SMG9: variants seen among roughly 807,000 people sequenced by gnomAD.
SMG9 encodes SMG9 nonsense mediated mRNA decay factor.
SMG9 carries 55 observed loss-of-function variants against 64.0 expected under a neutral mutation model. The ratio of observed to expected loss-of-function variants is 0.86; its 90% CI spans 0.69 to 1.08. The LOEUF (loss-of-function observed/expected upper bound fraction) is 1.08, where lower values mean the gene tolerates loss of function less well. Among genes scored for constraint, SMG9 ranks in the 50% least tolerant of loss-of-function variants. The pLI is 0.00. For synonymous variants in SMG9, 244 were observed against 254.8 expected (o/e 0.96, Z 0.41); for missense variants, 554 against 681.3 (o/e 0.81, Z 2.08).
At chr19:43,732,583 C>A (rs989074432) in intron 13 of SMG9, 27 of 462,152 alleles carry the variant, frequency 5.8e-5, no homozygotes, top group African/African-American at 4.8e-4. Context: ...CTATGTAACA[C>A]TTTTCCCCGA....
chr19:43,754,943 C>G lies in SMG9; in HGVS notation c.-296G>C, dbSNP rs1434633754. ...ACTCGTCCTGCGCATGCGCTGAGGGCTGGAGCTCGAGAACTGAATGCGCTC... is the reference window on the plus strand; with the variant it reads ...ACTCGTCCTGCGCATGCGCTGAGGGGTGGAGCTCGAGAACTGAATGCGCTC... On this transcript the variant is annotated 5_prime_UTR_variant, in exon 1 of 14. Transcript: ENST00000270066. 1.3e-5 allele frequency: 2 copies of G among 152,268 alleles called. No individual in the cohort carries two copies. Among genetic ancestry groups the G allele is most frequent in the African/African-American group, 2.4e-5 (1 of 41,444 alleles). The allele number at this position is 152,268 out of a possible 1,614,324, so 9.4% of individuals were successfully genotyped here.
chr19:43,732,025 C>T (rs1968501333), intron 13 of SMG9, among the ~76,000 whole-genome samples: 1 of 152,228 alleles, frequency 6.6e-6, no homozygotes, highest in African/African-American at 2.4e-5. Flanking sequence ...AAACATCTAA[C>T]AGCAGCTGCA....
rs549889697 is a variant in SMG9 at position 43,743,238 on chromosome 19, T to C, written c.701+1534A>G. On this transcript the variant is annotated intron_variant, in intron 6 of 13. Transcript: ENST00000270066. ...CTGAACTGAGACCCATGGGGAAAAT[T>C]TGCTAGTTGGGGTGAAAAGCTGAAA... Among the ~76,000 whole-genome samples, 16 of 152,180 alleles carry C rather than the reference T, an allele frequency of 1.1e-4. No homozygotes were observed. The East Asian group carries it at 3.1e-3, about 29-fold the overall frequency.
intron 1 of SMG9, among the ~76,000 whole-genome samples, chr19:43,752,199 A>G (rs1258734185): frequency 2.6e-5 from 4 of 152,160 alleles, no homozygotes; most frequent in Admixed American, 6.5e-5. Context: ...CCTCACAGTG[A>G]ATTTCATTTC....
chr19:43,752,005 G>A (rs1344698656), intron 1 of SMG9, among the ~76,000 whole-genome samples: 1 of 152,136 alleles, frequency 6.6e-6, no homozygotes, highest in Non-Finnish European at 1.5e-5. Flanking sequence ...TTACAAACCA[G>A]CAATGTGATC....
chr19:43,746,180 T>C (rs187264957), intron 5 of SMG9, among the ~76,000 whole-genome samples: 2 of 152,212 alleles, frequency 1.3e-5, no homozygotes, highest in East Asian at 3.9e-4. Context: ...CCTAAATAAA[T>C]AAAGCAAATC....
intron 1 of SMG9, among the ~76,000 whole-genome samples, chr19:43,753,919 GA>G (rs775764832): frequency 0.022 from 2,401 of 111,370 alleles, 71 homozygotes; most frequent in Admixed American, 0.096. Flanking sequence ...TTGTCTCAAA[GA>G]AAAAAAAAAA....
chr19:43,744,199 A>C (rs1331817126), intron 6 of SMG9, among the ~76,000 whole-genome samples: 1 of 152,164 alleles, frequency 6.6e-6, no homozygotes, highest in Non-Finnish European at 1.5e-5. Flanking sequence ...GATCCTCCCC[A>C]GCCTGGAGAA....
chr19:43,733,827 G>T, intron 10 of SMG9, 94 bp from the exon 11 acceptor site: 1 of 828,210 alleles, frequency 1.2e-6, no homozygotes, highest in Non-Finnish European at 2.0e-6. Context: ...TTACCCCTGA[G>T]TTCAGATCAC....
intron 5 of SMG9, 109 bp downstream of exon 5, chr19:43,747,333 T>G (rs1266580596): frequency 1.0e-6 from 1 of 996,298 alleles, no homozygotes; most frequent in Non-Finnish European, 1.5e-6. Context: ...CCCCTCTCAC[T>G]GCTGTAAGTT....
At chr19:43,738,392 G>C (rs1017858880) in intron 7 of SMG9, among the ~76,000 whole-genome samples, 175 bp from the exon 8 acceptor site, 2 of 152,182 alleles carry the variant, frequency 1.3e-5, no homozygotes, top group Non-Finnish European at 2.9e-5. Context: ...CACTTTTCCA[G>C]CTCCTTTACA....
Position 43,731,699 on chromosome 19 carries a change from C to G in SMG9, c.1485-25G>C, listed in dbSNP as rs1600187663. On this transcript the variant is annotated intron_variant, in intron 13 of 13. Transcript: ENST00000270066. ...CCTGTGAGGAGGCCAACAGTCAGGG[C>G]TGCCTGGCCGGGGCTCCCCCCAGCC... 18 of 1,613,990 alleles carry G rather than the reference C, an allele frequency of 1.1e-5. No individual in the cohort carries two copies. In the East Asian group the frequency reaches 3.3e-4, roughly 30 times the overall value.
At chr19:43,735,112 T>C (rs1968614161) in intron 9 of SMG9, among the ~76,000 whole-genome samples, 1 of 152,230 alleles carries the variant, frequency 6.6e-6, no homozygotes, top group Non-Finnish European at 1.5e-5. Flanking sequence ...TCTGTATAGT[T>C]GGAATTACAA....
At chr19:43,752,479 G>A (rs946741636) in intron 1 of SMG9, among the ~76,000 whole-genome samples, 2 of 152,216 alleles carry the variant, frequency 1.3e-5, no homozygotes, top group Non-Finnish European at 2.9e-5. Context: ...AAGTTTTATC[G>A]GAACATGGCC....
In SMG9 at chr19:43,750,688, TCGCCGC is replaced by T; in HGVS notation, c.48_53del (p.Arg18_Arg19del). The T allele has an allele frequency of 6.2e-7, 1 of 1,613,926 alleles. No homozygotes were observed. The highest frequency in any genetic ancestry group is 8.5e-7 in the Non-Finnish European group (1 of 1,179,934). ...CACCAGAGCCAGGCTCCTTCCACCG[TCGCCGC>T]CGCTCTATCCCATAGAGTCCAGGCT... On this transcript the variant is annotated inframe_deletion, in exon 2 of 14. Coordinates refer to ENST00000270066, the MANE Select transcript of SMG9 (RefSeq NM_019108.4).
rs765150126 is a variant in SMG9 at position 43,750,777 on chromosome 19, GAC to G, written c.-6-32_-6-31del. On this transcript the variant is annotated intron_variant, in intron 1 of 13. Transcript: ENST00000270066. ...GGAGGGAATGAGGGGATTTCAGGATGACAGAGTCTCTTCCTACTCTACTTGGC... is the reference window on the plus strand; with the variant it reads ...GGAGGGAATGAGGGGATTTCAGGATGAGAGTCTCTTCCTACTCTACTTGGC... The G allele has an allele frequency of 4.0e-5, 64 of 1,582,506 alleles. 2 individuals carry two copies. The Middle Eastern group carries it at 2.2e-3, about 54-fold the overall frequency.
intron 5 of SMG9, among the ~76,000 whole-genome samples, chr19:43,746,796 T>G (rs1969024866): frequency 1.3e-5 from 2 of 150,250 alleles, no homozygotes; most frequent in South Asian, 4.2e-4. Context: ...CAGTTGACAC[T>G]GAGACAGCGT....
At chr19:43,746,405 A>C (rs1057098915) in intron 5 of SMG9, among the ~76,000 whole-genome samples, 7 of 152,184 alleles carry the variant, frequency 4.6e-5, no homozygotes, top group African/African-American at 1.4e-4. Context: ...TAGTTCAAAT[A>C]TATATGATCT....
chr19:43,744,930 G>A, intron 5 of SMG9, 46 bp from the exon 6 acceptor site: 1 of 1,491,214 alleles, frequency 6.7e-7, no homozygotes, highest in Non-Finnish European at 9.3e-7. Flanking sequence ...GTCAGCTGCT[G>A]GAGCTGGAAT....
Sources: allele counts gnomAD v4.1 joint callset (sites outside exome capture counted in the v4.1 genomes callset), GRCh38; gene constraint gnomAD v4.1.1; transcripts MANE v1.5; gene names NCBI Gene and HGNC (gene_info 2026-07-23, HGNC 2026-07-21).